Variants in SLC10A7 observed in about 807,000 individuals in gnomAD.
The protein encoded by SLC10A7 is solute carrier family 10 member 7.
Under a neutral mutation model 43.2 loss-of-function variants are expected in SLC10A7, and 29 were observed. The ratio of observed to expected loss-of-function variants is 0.67; its 90% CI spans 0.50 to 0.92. The LOEUF (loss-of-function observed/expected upper bound fraction) is 0.92. Ranked by LOEUF, SLC10A7 falls within the 40% of genes least tolerant of loss-of-function variation. SLC10A7 has a pLI of 0.00. For synonymous variants in SLC10A7, 152 were observed against 144.8 expected (o/e 1.05, Z -0.35); for missense variants, 295 against 403.2 (o/e 0.73, Z 2.30).
At chr4:146,403,625 G>A (rs981428459) in intron 5 of SLC10A7, among the ~76,000 whole-genome samples, 2 of 152,102 alleles carry the variant, frequency 1.3e-5, no homozygotes, top group African/African-American at 2.4e-5. Context: ...CAATTTGGGC[G>A]CTTGATAATT....
chr4:146,396,650 A>T (rs1481475456), intron 5 of SLC10A7, among the ~76,000 whole-genome samples: 1 of 152,180 alleles, frequency 6.6e-6, no homozygotes, highest in Admixed American at 6.5e-5. Context: ...AGGCCTTACC[A>T]ACCTTACTCT....
At chr4:146,395,223 A>G (rs1738734790) in intron 5 of SLC10A7, among the ~76,000 whole-genome samples, 1 of 152,054 alleles carries the variant, frequency 6.6e-6, no homozygotes, top group Admixed American at 6.6e-5. Flanking sequence ...AGAAAAAAAA[A>G]ATTTAACTTA....
At chr4:146,379,935 T>TTCTC (rs5862757) in intron 5 of SLC10A7, among the ~76,000 whole-genome samples, 175 of 146,480 alleles carry the variant, frequency 1.2e-3, no homozygotes, top group Middle Eastern at 3.5e-3. Context: ...TGACAAATAA[T>TTCTC]TCTCTCTCTC....
At chr4:146,389,390 A>T (rs1284849057) in intron 5 of SLC10A7, among the ~76,000 whole-genome samples, 2 of 152,064 alleles carry the variant, frequency 1.3e-5, no homozygotes, top group African/African-American at 4.8e-5. Flanking sequence ...CACAGGGAAA[A>T]GTCAGTTGTC....
At chr4:146,261,597 C>A (rs996384076) in intron 10 of SLC10A7, among the ~76,000 whole-genome samples, 11 of 152,110 alleles carry the variant, frequency 7.2e-5, no homozygotes, top group African/African-American at 2.7e-4. Context: ...ACAGTCATTC[C>A]CTTTGCTTGA....
intron 4 of SLC10A7, among the ~76,000 whole-genome samples, chr4:146,444,192 A>T (rs1231919241): frequency 6.6e-6 from 1 of 152,242 alleles, no homozygotes; most frequent in Non-Finnish European, 1.5e-5. Flanking sequence ...AGTTGTGGTG[A>T]CACCAACAGG....
At chr4:146,274,889 T>C (rs1729113369) in intron 10 of SLC10A7, among the ~76,000 whole-genome samples, 1 of 152,150 alleles carries the variant, frequency 6.6e-6, no homozygotes, top group Non-Finnish European at 1.5e-5. Context: ...CAGTCTTAAG[T>C]AAGAAAAACA....
intron 5 of SLC10A7, among the ~76,000 whole-genome samples, chr4:146,405,365 T>G (rs1444634799): frequency 2.6e-5 from 4 of 152,190 alleles, no homozygotes; most frequent in Non-Finnish European, 4.4e-5. Flanking sequence ...TCTGATCATT[T>G]TATAATAAAT....
chr4:146,496,322 A>C (rs1207217725), intron 4 of SLC10A7, among the ~76,000 whole-genome samples: 1 of 152,202 alleles, frequency 6.6e-6, no homozygotes, highest in Admixed American at 6.5e-5. Context: ...GTGTCTTGGC[A>C]TACTGAGTAC....
chr4:146,356,543 G>C (rs1276374650), intron 5 of SLC10A7, among the ~76,000 whole-genome samples: 1 of 150,876 alleles, frequency 6.6e-6, no homozygotes, highest in Non-Finnish European at 1.5e-5. Context: ...CTCTTATAAG[G>C]CTTCCACAAC....
rs80353804 is a variant in SLC10A7, at chr4:146,300,248, G to A, written c.555+5678C>T. On this transcript the variant is annotated intron_variant, in intron 7 of 11. Coordinates refer to ENST00000335472, the MANE Select transcript of SLC10A7 (RefSeq NM_001029998.6). Reference sequence around the variant, plus strand: ...GACAGGTATGGTGGCTATGAAGTGGGCTGCCTGAGATTGATCATCAAGGTC... The same window carrying A: ...GACAGGTATGGTGGCTATGAAGTGGACTGCCTGAGATTGATCATCAAGGTC... 1.1e-3 allele frequency among the ~76,000 whole-genome samples: 174 copies of A among 152,264 alleles called. 1 individual carries two copies. The East Asian group carries it at 0.02, about 17-fold the overall frequency.
At chr4:146,513,225 C>T (rs905268963) in intron 2 of SLC10A7, among the ~76,000 whole-genome samples, 3 of 151,084 alleles carry the variant, frequency 2.0e-5, no homozygotes, top group Non-Finnish European at 2.9e-5. Context: ...AAGTAAGTAA[C>T]GTATACATTT....
At chr4:146,351,354 C>T (rs913974207) in intron 5 of SLC10A7, among the ~76,000 whole-genome samples, 6 of 151,944 alleles carry the variant, frequency 3.9e-5, no homozygotes, top group South Asian at 2.1e-4. Flanking sequence ...AAGAAATGAG[C>T]AAAGCCTCCA....
chr4:146,495,325 T>C (rs1373578332), intron 4 of SLC10A7, among the ~76,000 whole-genome samples: 1 of 152,212 alleles, frequency 6.6e-6, no homozygotes, highest in Non-Finnish European at 1.5e-5. Context: ...AGAAAGTGAC[T>C]GACAGATAAG....
chr4:146,317,398 A>C (rs1200026139), intron 6 of SLC10A7, among the ~76,000 whole-genome samples: 2 of 152,134 alleles, frequency 1.3e-5, no homozygotes, highest in Non-Finnish European at 2.9e-5. Flanking sequence ...TGATGCTTAC[A>C]TTCTAGTTGG....
intron 4 of SLC10A7, among the ~76,000 whole-genome samples, chr4:146,501,417 T>C (rs991664177): frequency 6.6e-6 from 1 of 152,150 alleles, no homozygotes; most frequent in African/African-American, 2.4e-5. Context: ...TGACAATACA[T>C]GGTAAGGCCA....
At chr4:146,424,749 T>A (rs910408782) in intron 5 of SLC10A7, among the ~76,000 whole-genome samples, 1 of 151,776 alleles carries the variant, frequency 6.6e-6, no homozygotes, top group Middle Eastern at 3.2e-3. Context: ...ACTCTGAAAA[T>A]GAACTGACTT....
intron 5 of SLC10A7, among the ~76,000 whole-genome samples, chr4:146,427,513 CAG>C (rs1364971181): frequency 2.6e-5 from 4 of 152,018 alleles, no homozygotes; most frequent in African/African-American, 9.7e-5. Context: ...CAAAATTCTA[CAG>C]AGACATATGG....
At chr4:146,333,426 G>C (rs766160436) in intron 5 of SLC10A7, among the ~76,000 whole-genome samples, 2 of 152,044 alleles carry the variant, frequency 1.3e-5, no homozygotes, top group Non-Finnish European at 2.9e-5. Context: ...ACAATAAAAT[G>C]ATAATGTTCA....
Sources: allele counts gnomAD v4.1 joint callset (sites outside exome capture counted in the v4.1 genomes callset), GRCh38; gene constraint gnomAD v4.1.1; transcripts MANE v1.5; gene names NCBI Gene and HGNC (gene_info 2026-07-23, HGNC 2026-07-21).